PIK3C2G: variants seen among roughly 807,000 people sequenced by gnomAD.
PIK3C2G encodes the protein phosphatidylinositol 3-kinase C2 domain-containing subunit gamma.
PIK3C2G carries 168 observed loss-of-function variants against 181.1 expected under a neutral mutation model. That is an observed-to-expected ratio of 0.93 (90% confidence interval 0.82 to 1.05). PIK3C2G has a LOEUF of 1.05. PIK3C2G is among the 50% of genes least tolerant of loss of function. The probability of loss-of-function intolerance (pLI) is 0.00; values close to 1 mark genes in which losing one functional copy is unlikely to be tolerated. For missense variants in PIK3C2G, 1,869 were observed against 1,732.8 expected (o/e 1.08, Z -1.40); for synonymous variants, 573 against 592.2 (o/e 0.97, Z 0.47).
intron 31 of PIK3C2G, among the ~76,000 whole-genome samples, chr12:18,630,414 A>G (rs1949300636): frequency 6.6e-6 from 1 of 152,138 alleles, no homozygotes; most frequent in African/African-American, 2.4e-5. Flanking sequence ...AACAAAAACA[A>G]AAACAACAAA....
chr12:18,327,179 T>C (rs1169743758), intron 8 of PIK3C2G, among the ~76,000 whole-genome samples: 1 of 152,098 alleles, frequency 6.6e-6, no homozygotes, highest in Non-Finnish European at 1.5e-5. Context: ...ATTTTCCAGA[T>C]GAACTCAATC....
intron 24 of PIK3C2G, among the ~76,000 whole-genome samples, chr12:18,518,156 T>C (rs1942669602): frequency 6.6e-6 from 1 of 152,172 alleles, no homozygotes; most frequent in Non-Finnish European, 1.5e-5. Flanking sequence ...ATTGAGGATT[T>C]TCGCATTGAT....
chr12:18,680,594 A>G, the PIK3C2G span, among the ~76,000 whole-genome samples: 81 of 152,062 alleles, frequency 5.3e-4, no homozygotes, highest in African/African-American at 1.9e-3. Context: ...AAAAGAATAA[A>G]CCCTCAAAAT....
At chr12:18,380,900 C>T (rs1056059358) in intron 13 of PIK3C2G, among the ~76,000 whole-genome samples, 3 of 152,168 alleles carry the variant, frequency 2.0e-5, no homozygotes, top group Non-Finnish European at 4.4e-5. Flanking sequence ...TTTAGAAAAG[C>T]TCACTGGATG....
intron 18 of PIK3C2G, among the ~76,000 whole-genome samples, chr12:18,487,836 C>T (rs1425480530): frequency 6.6e-6 from 1 of 151,944 alleles, no homozygotes. Context: ...TATAGAATTA[C>T]CTTATTTTAA....
chr12:18,501,079 C>T (rs1022987553), intron 22 of PIK3C2G, among the ~76,000 whole-genome samples: 4 of 152,012 alleles, frequency 2.6e-5, no homozygotes, highest in Admixed American at 6.6e-5. Flanking sequence ...AAAGAACAAA[C>T]TCCAGACGCG....
At position 18,555,498 on chromosome 12, in the gene PIK3C2G, C is replaced by A. The variant is rs963110350; in HGVS notation, c.3591-7205C>A. 3.9e-5 allele frequency among the ~76,000 whole-genome samples: 6 copies of A among 152,018 alleles called. No individual in the cohort carries two copies. In the South Asian group the frequency reaches 1.0e-3, roughly 26 times the overall value. On this transcript the variant is annotated intron_variant, in intron 26 of 32. Transcript: ENST00000538779. ...ACAGTGCTAAGAAACCTGTTAGAAGCAATTGTTTCTGATGATAAGCAATTA... is the reference window on the plus strand; with the variant it reads ...ACAGTGCTAAGAAACCTGTTAGAAGAAATTGTTTCTGATGATAAGCAATTA...
At chr12:18,432,981 CT>C (rs35947018) in intron 18 of PIK3C2G, among the ~76,000 whole-genome samples, 172 of 147,860 alleles carry the variant, frequency 1.2e-3, no homozygotes, top group Middle Eastern at 3.5e-3. Flanking sequence ...GAAGATGTGA[CT>C]TTTTTTTTTT....
chr12:18,672,249 A>G, the PIK3C2G span, among the ~76,000 whole-genome samples: 3 of 152,212 alleles, frequency 2.0e-5, no homozygotes, highest in African/African-American at 7.2e-5. Context: ...TTTTAATGAG[A>G]AAATACAACT....
chr12:18,682,045 G>T, the PIK3C2G span, among the ~76,000 whole-genome samples: 1 of 151,984 alleles, frequency 6.6e-6, no homozygotes, highest in Non-Finnish European at 1.5e-5. Context: ...CAAAACAGAG[G>T]CATCTTTCTA....
rs1945707435 is a variant in PIK3C2G at position 18,424,931 on chromosome 12, T to A, written c.2504+892T>A. 10 of 206,432 alleles carry A rather than the reference T, an allele frequency of 4.8e-5. No homozygotes were observed. The South Asian group carries it at 8.4e-4, about 17-fold the overall frequency. 12.8% of individuals were successfully genotyped at this position (206,432 alleles called of 1,614,324 possible). A position where few individuals can be genotyped will look rare whatever the true frequency, so the allele number is the denominator to read the frequency against. On this transcript the variant is annotated intron_variant, in intron 18 of 32. Transcript: ENST00000538779. ...TGCCATTCTCCAATTCCATATGGCA[T>A]GTCCAACGTTCAGGGTGTCTATAGT...
chr12:18,529,472 C>G (rs770321363), intron 24 of PIK3C2G, among the ~76,000 whole-genome samples: 5 of 152,132 alleles, frequency 3.3e-5, no homozygotes, highest in Admixed American at 6.6e-5. Flanking sequence ...TGTCTGAAGA[C>G]CACCCTGAAC....
At chr12:18,597,177 C>T (rs534361226) in intron 30 of PIK3C2G, among the ~76,000 whole-genome samples, 36 of 151,494 alleles carry the variant, frequency 2.4e-4, no homozygotes, top group Admixed American at 9.9e-4. Context: ...TAGGGAAACA[C>T]CAAAACACCG....
the PIK3C2G span, among the ~76,000 whole-genome samples, chr12:18,656,556 C>A: frequency 1.3e-5 from 2 of 152,084 alleles, no homozygotes; most frequent in Non-Finnish European, 2.9e-5. Context: ...CAGAGCGAGA[C>A]TCTGTCCTGA....
At chr12:18,296,406 G>A (rs572160741) in intron 5 of PIK3C2G, among the ~76,000 whole-genome samples, 4 of 151,998 alleles carry the variant, frequency 2.6e-5, no homozygotes, top group East Asian at 3.9e-4. Flanking sequence ...CTATGCTGCC[G>A]GTCTACAGCC....
intron 1 of PIK3C2G, among the ~76,000 whole-genome samples, chr12:18,267,106 C>T (rs1032163715): frequency 6.6e-6 from 1 of 151,978 alleles, no homozygotes; most frequent in African/African-American, 2.4e-5. Context: ...ACATCTTATA[C>T]TTTCTCTCAC....
At chr12:18,678,155 C>T in the PIK3C2G span, among the ~76,000 whole-genome samples, 1 of 152,046 alleles carries the variant, frequency 6.6e-6, no homozygotes, top group African/African-American at 2.4e-5. Context: ...TCATTCAATT[C>T]TGTGTCCCCA....
chr12:18,268,490 C>A (rs1005493134), intron 1 of PIK3C2G, among the ~76,000 whole-genome samples: 1 of 151,966 alleles, frequency 6.6e-6, no homozygotes, highest in Non-Finnish European at 1.5e-5. Context: ...TAATTTGTAA[C>A]CTTTTTCAAG....
the PIK3C2G span, among the ~76,000 whole-genome samples, chr12:18,671,406 GC>G: frequency 1.3e-5 from 2 of 151,972 alleles, no homozygotes; most frequent in African/African-American, 4.8e-5. Flanking sequence ...CGAGAGCCTG[GC>G]CCCTTTGTGT....
Sources: allele counts gnomAD v4.1 joint callset (sites outside exome capture counted in the v4.1 genomes callset), GRCh38; gene constraint gnomAD v4.1.1; transcripts MANE v1.5; gene names NCBI Gene and HGNC (gene_info 2026-07-23, HGNC 2026-07-21).